Variants in MED27 observed in about 807,000 individuals in gnomAD.
MED27 encodes mediator of RNA polymerase II transcription subunit 27.
Under a neutral mutation model 38.2 loss-of-function variants are expected in MED27, and 30 were observed. The ratio of observed to expected loss-of-function variants is 0.79; its 90% CI spans 0.59 to 1.07. MED27 has a LOEUF of 1.07. MED27 is among the 50% of genes least tolerant of loss of function. MED27 has a pLI of 0.00. For missense variants in MED27, 289 were observed against 397.5 expected, an observed-to-expected ratio of 0.73 and a Z score of 2.32; for synonymous variants, 122 against 153.5, an observed-to-expected ratio of 0.79 and a Z score of 1.52.
rs528673701 is a variant in MED27 at position 131,861,474 on chromosome 9, T to A, written c.802-802A>T. Among the ~76,000 whole-genome samples the A allele has an allele frequency of 1.3e-5, 2 of 152,348 alleles. No homozygotes were observed. Among genetic ancestry groups the A allele is most frequent in the African/African-American group, 4.8e-5 (2 of 41,582 alleles). ...TGTTATTTGAAGAGGTTGGCCGAGC[T>A]TATTGATACACATTCTTCCATCTTC... On this transcript the variant is annotated intron_variant, in intron 7 of 7. Transcript: ENST00000292035. The surrounding 1 kb of genome is among the most constrained non-coding windows in gnomAD (Gnocchi z 4.4).
intron 3 of MED27, among the ~76,000 whole-genome samples, chr9:131,987,499 T>C (rs1040119267): frequency 6.6e-6 from 1 of 152,110 alleles, no homozygotes; most frequent in Non-Finnish European, 1.5e-5. Flanking sequence ...TGAGAGAAAC[T>C]TCATTCTAAA....
chr9:132,070,479 C>G (rs1014645027), intron 2 of MED27, among the ~76,000 whole-genome samples: 1 of 152,150 alleles, frequency 6.6e-6, no homozygotes, highest in African/African-American at 2.4e-5. Flanking sequence ...ACCTCTTGAG[C>G]CCATAAGGCT....
intron 2 of MED27, among the ~76,000 whole-genome samples, chr9:132,076,851 T>C (rs1460547921): frequency 6.6e-6 from 1 of 152,204 alleles, no homozygotes; most frequent in Non-Finnish European, 1.5e-5. Flanking sequence ...AGTTTGCAAC[T>C]TACAGCTGTC....
At chr9:131,912,246 G>A (rs533477985) in intron 4 of MED27, among the ~76,000 whole-genome samples, 2 of 152,168 alleles carry the variant, frequency 1.3e-5, no homozygotes, top group African/African-American at 2.4e-5. Context: ...GATTCAGTGT[G>A]TATGAATTAA....
intron 4 of MED27, among the ~76,000 whole-genome samples, chr9:131,921,843 TA>T (rs959854942): frequency 3.6e-4 from 55 of 152,146 alleles, no homozygotes; most frequent in African/African-American, 1.3e-3. Flanking sequence ...TATGCAGCCA[TA>T]AAAAAGGATG....
At chr9:132,050,241 G>A (rs987234576) in intron 2 of MED27, among the ~76,000 whole-genome samples, 4 of 152,180 alleles carry the variant, frequency 2.6e-5, no homozygotes, top group Non-Finnish European at 4.4e-5. Context: ...TCAGAAAAGA[G>A]GCACCATGTG....
At chr9:131,937,265 A>C (rs925322265) in intron 4 of MED27, among the ~76,000 whole-genome samples, 1 of 152,230 alleles carries the variant, frequency 6.6e-6, no homozygotes, top group African/African-American at 2.4e-5. Context: ...CCCATGGCCC[A>C]TGGCAATCTG....
At chr9:131,979,469 A>G (rs1284989952) in intron 3 of MED27, among the ~76,000 whole-genome samples, 1 of 138,708 alleles carries the variant, frequency 7.2e-6, no homozygotes, top group Non-Finnish European at 1.5e-5. Context: ...GCTACTAAAT[A>G]TTAAAAGCTG....
intron 2 of MED27, among the ~76,000 whole-genome samples, chr9:132,020,795 TG>T (rs1181710784): frequency 1.3e-5 from 2 of 152,208 alleles, no homozygotes; most frequent in Admixed American, 1.3e-4. Context: ...AAATATCAGA[TG>T]ATGATATTAG....
chr9:131,886,268 A>C (rs555498980), intron 5 of MED27, among the ~76,000 whole-genome samples: 7 of 152,336 alleles, frequency 4.6e-5, no homozygotes, highest in Admixed American at 3.3e-4. Context: ...CTTTTAGGAC[A>C]GTAGAGAAGG....
intron 2 of MED27, among the ~76,000 whole-genome samples, chr9:132,062,644 G>T (rs1359535645): frequency 6.6e-6 from 1 of 150,650 alleles, no homozygotes; most frequent in African/African-American, 2.4e-5. Flanking sequence ...AACAGACAGG[G>T]TCTCATTCTG....
chr9:131,883,333 A>T lies in MED27; in HGVS notation c.723+725T>A, dbSNP rs942526376. On this transcript the variant is annotated intron_variant, in intron 6 of 7. Transcript: ENST00000292035. This position sits in a 1 kb window ranked among gnomAD's most constrained non-coding sequence, Gnocchi z 4.2. ...GGAGCTGGCCCTGAGTACTGTGGGG[A>T]CTGGTGGGGGTGTGGCGGTGGGGAC... Among the ~76,000 whole-genome samples the T allele has an allele frequency of 6.6e-6, 1 of 152,044 alleles. No individual in the cohort carries two copies. Among genetic ancestry groups the T allele is most frequent in the Non-Finnish European group, 1.5e-5 (1 of 68,010 alleles).
intron 3 of MED27, among the ~76,000 whole-genome samples, chr9:131,947,491 T>C (rs1464340032): frequency 6.6e-6 from 1 of 152,182 alleles, no homozygotes; most frequent in Non-Finnish European, 1.5e-5. Context: ...CGCTACCAAA[T>C]TGGGATTACA....
In MED27 at chr9:132,025,430, C is replaced by G. The variant is rs933888857; in HGVS notation, c.349-10963G>C. ...CTCCCAACCTCAGGTGATCTGCCCG[C>G]CTCGACCTCCCAAAGTGTTGGGATT... is the stretch of plus-strand genomic sequence containing the variant. On this transcript the variant is annotated intron_variant, in intron 2 of 7. Transcript: ENST00000292035. 2.0e-5 allele frequency among the ~76,000 whole-genome samples: 3 copies of G among 152,216 alleles called. 1 individual carries two copies. Among genetic ancestry groups the G allele is most frequent in the South Asian group, 4.1e-4 (2 of 4,832 alleles).
intron 4 of MED27, among the ~76,000 whole-genome samples, chr9:131,908,252 T>TG (rs1293785730): frequency 1.9e-4 from 24 of 123,836 alleles, no homozygotes; most frequent in African/African-American, 1.8e-4. Context: ...GGGAGGGAGG[T>TG]GGGGGGGTCA....
chr9:131,911,655 T>C (rs922068258), intron 4 of MED27, among the ~76,000 whole-genome samples: 3 of 152,212 alleles, frequency 2.0e-5, no homozygotes, highest in African/African-American at 7.2e-5. Flanking sequence ...TGAAAGATTA[T>C]ATACATTTGG....
intron 4 of MED27, among the ~76,000 whole-genome samples, chr9:131,910,889 C>T (rs1412270795): frequency 6.6e-6 from 1 of 152,180 alleles, no homozygotes; most frequent in Non-Finnish European, 1.5e-5. Flanking sequence ...TACAAACCAG[C>T]AGACTTCCCA....
At chr9:131,971,524 C>T (rs1264516370) in intron 3 of MED27, among the ~76,000 whole-genome samples, 15 of 152,154 alleles carry the variant, frequency 9.9e-5, no homozygotes, top group African/African-American at 2.4e-5. Flanking sequence ...AAACCTATGT[C>T]GTGAAATGTT....
chr9:132,056,687 A>C (rs1833584875), intron 2 of MED27, among the ~76,000 whole-genome samples: 1 of 152,150 alleles, frequency 6.6e-6, no homozygotes, highest in Non-Finnish European at 1.5e-5. Flanking sequence ...ACTTTCACAG[A>C]TTAGGAAAGG....
Sources: gnomAD v4.1 joint callset for allele counts (sites outside exome capture counted in the v4.1 genomes callset) on GRCh38, gnomAD v4.1.1 for gene constraint, Gnocchi (gnomAD v3.1) non-coding constraint, MANE v1.5 for transcripts, NCBI Gene and HGNC (gene_info 2026-07-23, HGNC 2026-07-21) for gene names.